CHRM2: variants seen among roughly 807,000 people sequenced by gnomAD.
CHRM2 encodes the protein muscarinic acetylcholine receptor M2.
In CHRM2, 8 loss-of-function variants were observed where a neutral mutation model predicts 25.0. The observed-to-expected ratio is 0.32, with a 90% CI of 0.19 to 0.58. The LOEUF is 0.58. Among genes scored for constraint, CHRM2 ranks in the 20% least tolerant of loss-of-function variants. The pLI is 0.88. For synonymous variants in CHRM2, 202 were observed against 205.7 expected, an observed-to-expected ratio of 0.98 and a Z score of 0.15; for missense variants, 440 against 567.1, an observed-to-expected ratio of 0.78 and a Z score of 2.28.
At chr7:136,981,521 A>G (rs1802486448) in intron 2 of CHRM2, among the ~76,000 whole-genome samples, 1 of 151,768 alleles carries the variant, frequency 6.6e-6, no homozygotes, top group Admixed American at 6.6e-5. Context: ...TTGTTTCTCT[A>G]CTTGTTTTAA....
intron 2 of CHRM2, among the ~76,000 whole-genome samples, chr7:136,978,609 AC>A (rs1344461510): frequency 6.6e-6 from 1 of 150,728 alleles, no homozygotes; most frequent in Non-Finnish European, 1.5e-5. Context: ...CTTGACCCAC[AC>A]CCCCCGACAG....
At chr7:136,957,126 G>A (rs1200937207) in intron 2 of CHRM2, among the ~76,000 whole-genome samples, 1 of 152,186 alleles carries the variant, frequency 6.6e-6, no homozygotes, top group African/African-American at 2.4e-5. Context: ...TGCTGGAAAG[G>A]CAGCACAGTA....
At chr7:136,998,603 A>T (rs193019755) in intron 3 of CHRM2, among the ~76,000 whole-genome samples, 2 of 152,276 alleles carry the variant, frequency 1.3e-5, no homozygotes, top group Admixed American at 1.3e-4. Flanking sequence ...AAACTCAGAG[A>T]AATGAAATAG....
chr7:136,929,126 T>C (rs188543919), intron 2 of CHRM2, among the ~76,000 whole-genome samples: 83 of 151,666 alleles, frequency 5.5e-4, no homozygotes, highest in South Asian at 1.5e-3. Context: ...TTTTGGTCAT[T>C]TTATTTTTTT....
chr7:136,914,858 ACT>A (rs1316748130), intron 2 of CHRM2, among the ~76,000 whole-genome samples: 2 of 151,902 alleles, frequency 1.3e-5, no homozygotes, highest in Non-Finnish European at 2.9e-5. Context: ...AATGAAGTAG[ACT>A]CTGCTGAGTG....
chr7:136,983,042 A>C (rs150812700), intron 2 of CHRM2, among the ~76,000 whole-genome samples: 1,749 of 152,316 alleles, frequency 0.011, 33 homozygotes, highest in African/African-American at 0.04. Flanking sequence ...GTGTTTTCCA[A>C]CTTGGTTCCG....
intron 2 of CHRM2, among the ~76,000 whole-genome samples, chr7:136,873,613 A>C (rs2130460522): frequency 6.6e-6 from 1 of 152,314 alleles, no homozygotes; most frequent in Non-Finnish European, 1.5e-5. Flanking sequence ...ACAGCTAGTA[A>C]GTTGCAGCCC....
rs1795722296 is a variant in CHRM2 at position 136,869,380 on chromosome 7, T to G, written c.-163T>G. The G allele has an allele frequency of 6.6e-6, 1 of 152,242 alleles. No homozygotes were observed. Among genetic ancestry groups the G allele is most frequent in the African/African-American group, 2.4e-5 (1 of 41,410 alleles). The allele number at this position is 152,242 out of a possible 1,614,324, so 9.4% of individuals were successfully genotyped here. ...CTCGCTCCTTCAAGCCTCCACCACC[T>G]CGCAGCCGGGGAGGCAACTGGAGCG... is the stretch of plus-strand genomic sequence containing the variant. On this transcript the variant is annotated 5_prime_UTR_variant, in exon 2 of 4. Coordinates refer to ENST00000680005, the MANE Select transcript of CHRM2 (RefSeq NM_001006630.2). The surrounding 1 kb of genome is among the most constrained non-coding windows in gnomAD (Gnocchi z 4.9).
At chr7:136,943,024 T>A (rs1799863807) in intron 2 of CHRM2, among the ~76,000 whole-genome samples, 1 of 152,132 alleles carries the variant, frequency 6.6e-6, no homozygotes, top group African/African-American at 2.4e-5. Flanking sequence ...CAAGCCCAGC[T>A]CACACTGGGG....
At chr7:136,911,793 A>G (rs1165617669) in intron 2 of CHRM2, among the ~76,000 whole-genome samples, 2 of 151,926 alleles carry the variant, frequency 1.3e-5, no homozygotes, top group African/African-American at 4.8e-5. Context: ...TCCTTCATAC[A>G]ATGATATTTT....
intron 3 of CHRM2, among the ~76,000 whole-genome samples, chr7:137,000,194 CTTTTTTTT>C (rs57283576): frequency 1.4e-5 from 1 of 73,314 alleles, no homozygotes; most frequent in Admixed American, 2.1e-4. Context: ...CTTTTTCTTT[CTTTTTTTT>C]TTTTTTTTTT....
intron 2 of CHRM2, among the ~76,000 whole-genome samples, chr7:136,983,570 T>C (rs1299832934): frequency 6.6e-6 from 1 of 152,204 alleles, no homozygotes; most frequent in Non-Finnish European, 1.5e-5. Flanking sequence ...CTTCATGGAT[T>C]TATCTACCTT....
intron 3 of CHRM2, among the ~76,000 whole-genome samples, chr7:137,010,081 ACT>A (rs1315572987): frequency 6.6e-6 from 1 of 152,072 alleles, no homozygotes; most frequent in Non-Finnish European, 1.5e-5. Context: ...TTTCATCCTT[ACT>A]ACAACTCTGA....
At chr7:136,949,706 A>G (rs1800284000) in intron 2 of CHRM2, among the ~76,000 whole-genome samples, 1 of 151,492 alleles carries the variant, frequency 6.6e-6, no homozygotes, top group Non-Finnish European at 1.5e-5. Flanking sequence ...ATCTTGAAAA[A>G]GTAGCAATAA....
chr7:136,899,878 T>G (rs1404566530), intron 2 of CHRM2: 1 of 152,128 alleles, frequency 6.6e-6, no homozygotes, highest in East Asian at 1.9e-4. Flanking sequence ...ACCATAGATA[T>G]GAATACACTT....
intron 2 of CHRM2, among the ~76,000 whole-genome samples, chr7:136,898,396 C>G (rs188745415): frequency 6.6e-6 from 1 of 152,082 alleles, no homozygotes; most frequent in East Asian, 1.9e-4. Flanking sequence ...GGAGCAATAA[C>G]CCATTTTTTG....
At chr7:137,006,174 C>A (rs562634379) in intron 3 of CHRM2, among the ~76,000 whole-genome samples, 4 of 152,164 alleles carry the variant, frequency 2.6e-5, no homozygotes, top group Non-Finnish European at 5.9e-5. Flanking sequence ...TGCAGAAGTC[C>A]TCTCTCAGAT....
At chr7:136,897,704 A>G (rs2130596493) in intron 2 of CHRM2, among the ~76,000 whole-genome samples, 1 of 152,088 alleles carries the variant, frequency 6.6e-6, no homozygotes, top group Non-Finnish European at 1.5e-5. Flanking sequence ...TGGGAAAAAA[A>G]AAAGACAGAC....
At chr7:136,893,229 C>A (rs1796764306) in intron 2 of CHRM2, among the ~76,000 whole-genome samples, 1 of 152,114 alleles carries the variant, frequency 6.6e-6, no homozygotes, top group Non-Finnish European at 1.5e-5. Context: ...GCCGTGGTAC[C>A]CAAATTTTCC....
Sources: allele counts gnomAD v4.1 joint callset (sites outside exome capture counted in the v4.1 genomes callset), GRCh38; gene constraint gnomAD v4.1.1; non-coding constraint Gnocchi (gnomAD v3.1); transcripts MANE v1.5; gene names NCBI Gene and HGNC (gene_info 2026-07-23, HGNC 2026-07-21).